The following HIRA variants were observed in gnomAD, a reference collection of about 807,000 sequenced individuals.
HIRA encodes the protein histone cell cycle regulator.
In HIRA, 13 loss-of-function variants were observed where a neutral mutation model predicts 126.6. The observed-to-expected ratio is 0.10, with a 90% CI of 0.07 to 0.16. The LOEUF is 0.16. Ranked by LOEUF, HIRA falls within the 10% of genes least tolerant of loss-of-function variation. The probability of loss-of-function intolerance (pLI) is 1.00; values close to 1 mark genes in which losing one functional copy is unlikely to be tolerated. For synonymous variants in HIRA, 511 were observed against 520.0 expected (o/e 0.98, Z 0.24); for missense variants, 834 against 1,314.4 (o/e 0.63, Z 5.65).
At position 19,394,432 on chromosome 22, in the gene HIRA, G is replaced by T; in HGVS notation, c.732C>A (p.Asn244Lys). Residue 244 changes from asparagine (N) to lysine (K), a missense_variant, in exon 8 of 25, where the codon AAC (asparagine) becomes AAA (lysine). By Grantham distance (94) the Asn-to-Lys change is moderately conservative. Transcript: ENST00000263208. ...TGATCTGGGCAGTGGGGCCTGAGTT[G>T]TTCATGGCATGGGCAGACACCAGGT... ...GHYLVSAHAM[N>K]NSGPTAQIIE... 1 of 1,614,096 alleles carries T rather than the reference G, an allele frequency of 6.2e-7. No individual in the cohort carries two copies.
chr22:19,411,639 A>G (rs1356065549), intron 1 of HIRA, among the ~76,000 whole-genome samples: 2 of 152,262 alleles, frequency 1.3e-5, no homozygotes, highest in Admixed American at 1.3e-4. Context: ...TAGCGCAGTA[A>G]TATTTGTTCA....
chr22:19,359,506 G>T lies in HIRA; in HGVS notation c.2086-22C>A, dbSNP rs1039246628. The T allele has an allele frequency of 5.1e-6, 8 of 1,580,344 alleles. No homozygotes were observed. The East Asian group carries it at 1.9e-4, about 37-fold the overall frequency. ...TGACCTGGATGAAGTAAACACACGG[G>T]TCTGCTCAGACAAGGGCCGCAGCCC... On this transcript the variant is annotated intron_variant, in intron 17 of 24. Transcript: ENST00000263208.
At chr22:19,414,530 C>T (rs1423633472) in intron 1 of HIRA, among the ~76,000 whole-genome samples, 1 of 152,174 alleles carries the variant, frequency 6.6e-6, no homozygotes, top group Non-Finnish European at 1.5e-5. Flanking sequence ...GTAGAGCTGA[C>T]TGGAACACAT....
intron 9 of HIRA, 74 bp from the exon 10 acceptor site, chr22:19,388,628 C>A (rs1332326438): frequency 8.5e-6 from 10 of 1,182,238 alleles, no homozygotes; most frequent in Admixed American, 3.5e-5. Flanking sequence ...GTTAACATAA[C>A]CAACCTAGAA....
intron 24 of HIRA, among the ~76,000 whole-genome samples, chr22:19,345,024 T>C (rs1556008501): frequency 1.3e-5 from 2 of 152,156 alleles, no homozygotes; most frequent in Non-Finnish European, 1.5e-5. Context: ...ACAGCTAACA[T>C]CGTACTTAAT....
chr22:19,421,418 G>A (rs570090555), intron 1 of HIRA, among the ~76,000 whole-genome samples: 1 of 152,300 alleles, frequency 6.6e-6, no homozygotes, highest in East Asian at 1.9e-4. Context: ...GACTGATGGG[G>A]ATTTGGTTAA....
chr22:19,380,680 G>A (rs1195534865), intron 13 of HIRA, among the ~76,000 whole-genome samples: 1 of 152,012 alleles, frequency 6.6e-6, no homozygotes, highest in Non-Finnish European at 1.5e-5. Flanking sequence ...CACTATCTTG[G>A]CTCACTGCAA....
At chr22:19,405,336 C>T in intron 5 of HIRA, 1 of 259,000 alleles carries the variant, frequency 3.9e-6, no homozygotes, top group East Asian at 1.8e-4. Flanking sequence ...AGTCTAAATT[C>T]ATAAAATGTG....
At position 19,334,307 on chromosome 22, in the gene HIRA, T is replaced by C. The variant is rs546098221; in HGVS notation, c.2938-2751A>G. 2.0e-5 allele frequency among the ~76,000 whole-genome samples: 3 copies of C among 151,548 alleles called. No homozygotes were observed. The South Asian group carries it at 6.3e-4, about 32-fold the overall frequency. ...TCTTCATATATAGTTTTCCTGATTT[T>C]GTTTAGTTGTCTGTATTCTCCTTGA... On this transcript the variant is annotated intron_variant, in intron 24 of 24. Transcript: ENST00000263208.
chr22:19,389,108 AATT>A (rs2089153920), intron 9 of HIRA, among the ~76,000 whole-genome samples: 1 of 152,198 alleles, frequency 6.6e-6, no homozygotes, highest in Non-Finnish European at 1.5e-5. Flanking sequence ...TACTTTGATG[AATT>A]ATTATCTTCT....
chr22:19,340,015 A>C (rs2088609364), intron 24 of HIRA, among the ~76,000 whole-genome samples: 1 of 152,166 alleles, frequency 6.6e-6, no homozygotes, highest in Non-Finnish European at 1.5e-5. Context: ...TCCCTAAATC[A>C]CTCTATGAAG....
intron 24 of HIRA, among the ~76,000 whole-genome samples, chr22:19,341,824 C>T (rs191314326): frequency 1.3e-5 from 2 of 152,286 alleles, no homozygotes; most frequent in East Asian, 1.9e-4. Flanking sequence ...AGACTTAAAT[C>T]TACGATCTGA....
intron 24 of HIRA, among the ~76,000 whole-genome samples, chr22:19,343,415 T>G (rs1030170185): frequency 6.6e-6 from 1 of 150,892 alleles, no homozygotes; most frequent in African/African-American, 2.4e-5. Flanking sequence ...AATAAAAAAT[T>G]TGCCAGGCAT....
chr22:19,378,824 C>T (rs1463537909), intron 13 of HIRA, among the ~76,000 whole-genome samples: 1 of 152,154 alleles, frequency 6.6e-6, no homozygotes, highest in Non-Finnish European at 1.5e-5. Context: ...GGAATTGTAG[C>T]AGCAAATGAA....
chr22:19,383,216 T>G (rs954063893), intron 13 of HIRA, among the ~76,000 whole-genome samples: 11 of 152,312 alleles, frequency 7.2e-5, no homozygotes, highest in Non-Finnish European at 8.8e-5. Context: ...GGATAATGTT[T>G]TTTTCTTCTT....
intron 1 of HIRA, among the ~76,000 whole-genome samples, chr22:19,422,547 T>G (rs1299960495): frequency 6.6e-6 from 1 of 152,090 alleles, no homozygotes; most frequent in Non-Finnish European, 1.5e-5. Context: ...GCTCTCCCAA[T>G]CAGTCTGCTA....
In HIRA at chr22:19,365,571, A is replaced by G. The variant is rs187375858; in HGVS notation, c.1776-3640T>C. ...TGGTTTACTGAATATTTGAAGCCCAATGTTGACACCTACTGCTTGGAAAAA... is the reference window on the plus strand; with the variant it reads ...TGGTTTACTGAATATTTGAAGCCCAGTGTTGACACCTACTGCTTGGAAAAA... On this transcript the variant is annotated intron_variant, in intron 15 of 24. Coordinates refer to ENST00000263208, the MANE Select transcript of HIRA (RefSeq NM_003325.4). Among the ~76,000 whole-genome samples, 348 of 152,378 alleles carry G rather than the reference A, an allele frequency of 2.3e-3. 2 individuals carry two copies. Among genetic ancestry groups the G allele is most frequent in the Non-Finnish European group, 3.7e-3 (254 of 68,042 alleles).
chr22:19,427,206 C>T (rs993650675), intron 1 of HIRA, among the ~76,000 whole-genome samples: 6 of 152,192 alleles, frequency 3.9e-5, no homozygotes, highest in East Asian at 3.9e-4. Flanking sequence ...ACCAGTAGCA[C>T]GTACCCTGCC....
Position 19,351,469 on chromosome 22 carries a change from A to C in HIRA, c.2849-23T>G. On this transcript the variant is annotated intron_variant, in intron 23 of 24. Coordinates refer to ENST00000263208, the MANE Select transcript of HIRA (RefSeq NM_003325.4). The surrounding 1 kb of genome is among the most constrained non-coding windows in gnomAD (Gnocchi z 4.8). The stretch of plus-strand genomic sequence containing the variant: ...ACCCTAATTACAGAAAAACAAACAA[A>C]CAACAACAACAAAAAACAAAACAGA... 2 of 1,543,482 alleles carry C rather than the reference A, an allele frequency of 1.3e-6. No homozygotes were observed. Among genetic ancestry groups the C allele is most frequent in the Non-Finnish European group, 1.8e-6 (2 of 1,122,166 alleles).
Sources: allele counts gnomAD v4.1 joint callset (sites outside exome capture counted in the v4.1 genomes callset), GRCh38; gene constraint gnomAD v4.1.1; non-coding constraint Gnocchi (gnomAD v3.1); transcripts MANE v1.5; gene names NCBI Gene and HGNC (gene_info 2026-07-23, HGNC 2026-07-21).